Variants in MRTO4 observed in about 807,000 individuals in gnomAD.
MRTO4 encodes mRNA turnover protein 4 homolog.
In MRTO4, 7 loss-of-function variants were observed where a neutral mutation model predicts 28.6. That is an observed-to-expected ratio of 0.24 (90% CI 0.14 to 0.46). MRTO4 has a LOEUF of 0.46. MRTO4 is among the 20% of genes least tolerant of loss of function. MRTO4 has a pLI of 0.99. For synonymous variants in MRTO4, 113 were observed against 108.2 expected (o/e 1.04, Z -0.27); for missense variants, 302 against 298.3 (o/e 1.01, Z -0.09).
Position 19,258,519 on chromosome 1 carries a change from G to A in MRTO4, c.536G>A (p.Gly179Asp). 6.2e-7 allele frequency: 1 copy of A among 1,614,104 alleles called. No homozygotes were observed. Among genetic ancestry groups the A allele is most frequent in the Non-Finnish European group, 8.5e-7 (1 of 1,180,040 alleles). Residue 179 changes from glycine to aspartate, a missense_variant, in exon 7 of 8, where the codon GGC (glycine) becomes GAC (aspartate). By Grantham distance (94) the Gly-to-Asp change is moderately conservative (BLOSUM62 -1). Coordinates refer to ENST00000330263, the MANE Select transcript of MRTO4 (RefSeq NM_016183.4). ...TCTGACTACGAGGTGTGCAAGGAGG[G>A]CGATGTGCTGACCCCAGAGCAGGCT... ...LLSDYEVCKE[G>D]DVLTPEQARV...
rs539105308 is a variant in MRTO4, at chr1:19,256,181, A to C, written c.191+130A>C. 625 of 732,562 alleles carry C rather than the reference A, an allele frequency of 8.5e-4. 19 individuals are homozygous for C. The South Asian group carries it at 0.01, about 12-fold the overall frequency. 45.4% of individuals were successfully genotyped at this position (732,562 alleles called of 1,614,324 possible). ...GCCGCTGACACCTTAATAAGGACAA[A>C]GTGCTACCTGCCACTGAAGAGCACT... On this transcript the variant is annotated intron_variant, in intron 3 of 7. Coordinates refer to ENST00000330263, the MANE Select transcript of MRTO4 (RefSeq NM_016183.4).
rs1030400008 is a variant in MRTO4 at position 19,257,769 on chromosome 1, C to A, written c.342-64C>A. 20 of 1,584,568 alleles carry A rather than the reference C, an allele frequency of 1.3e-5. No homozygotes were observed. The South Asian group carries it at 2.3e-4, about 18-fold the overall frequency. ...CAGGGCCACGGGACACTTGGGGGAG[C>A]CTGACTCATGGGCTGGTGGCGTGGC... On this transcript the variant is annotated intron_variant, in intron 5 of 7. Transcript: ENST00000330263.
chr1:19,251,976 G>A, intron 1 of MRTO4, 113 bp downstream of exon 1: 1 of 1,415,714 alleles, frequency 7.1e-7, no homozygotes, highest in Non-Finnish European at 9.6e-7. Context: ...GGACATCCTC[G>A]AGGTGTTCCG....
chr1:19,252,762 C>T (rs936217052), intron 1 of MRTO4, among the ~76,000 whole-genome samples: 1 of 152,214 alleles, frequency 6.6e-6, no homozygotes, highest in African/African-American at 2.4e-5. Flanking sequence ...GCGATCCTCC[C>T]ACCTCAACCT....
At chr1:19,258,036 G>A (rs2093674289) in intron 6 of MRTO4, 52 bp downstream of exon 6, 1 of 1,583,318 alleles carries the variant, frequency 6.3e-7, no homozygotes, top group Non-Finnish European at 8.6e-7. Context: ...CAAGAGCACG[G>A]GCCTGCAAGC....
intron 1 of MRTO4, among the ~76,000 whole-genome samples, chr1:19,253,025 T>C (rs1426889437): frequency 5.3e-5 from 8 of 152,260 alleles, no homozygotes; most frequent in Admixed American, 5.2e-4. Flanking sequence ...TTCAAAAATA[T>C]TTAGGGGTCT....
At chr1:19,257,209 T>C (rs2093672690) in intron 4 of MRTO4, 64 bp downstream of exon 4, 2 of 1,525,360 alleles carry the variant, frequency 1.3e-6, no homozygotes, top group Non-Finnish European at 1.8e-6. Flanking sequence ...ACTACTCCCA[T>C]GTGACAGCCT....
At chr1:19,256,918 G>A in intron 3 of MRTO4, 146 bp from the exon 4 acceptor site, 1 of 727,664 alleles carries the variant, frequency 1.4e-6, no homozygotes, top group Non-Finnish European at 2.4e-6. Flanking sequence ...CGTGGGGACA[G>A]TGTGGCCAGG....
At chr1:19,258,444 C>T (rs1314157294) in intron 6 of MRTO4, 33 bp from the exon 7 acceptor site, 3 of 1,611,860 alleles carry the variant, frequency 1.9e-6, no homozygotes, top group East Asian at 2.2e-5. Context: ...GGCCTCTGGG[C>T]CAGAGGTAAC....
At chr1:19,252,550 T>C (rs1159818641) in intron 1 of MRTO4, among the ~76,000 whole-genome samples, 1 of 152,102 alleles carries the variant, frequency 6.6e-6, no homozygotes, top group Non-Finnish European at 1.5e-5. Flanking sequence ...ATACTAAAAA[T>C]TAGATGGGCA....
At chr1:19,253,000 CGGCTCCCTGGAA>C (rs1410240291) in intron 1 of MRTO4, among the ~76,000 whole-genome samples, 1 of 152,168 alleles carries the variant, frequency 6.6e-6, no homozygotes, top group Non-Finnish European at 1.5e-5. Context: ...TCTCTTAACC[CGGCTCCCTGGAA>C]TATTCAAAAA....
At position 19,258,947 on chromosome 1, in the gene MRTO4, TG is replaced by T; in HGVS notation, c.*120del. ...ATTTGTCTGTAGACAGGGAACATGATGGGCACTGACCTCCTGTAAAGAATAA... is the reference window on the plus strand; with the variant it reads ...ATTTGTCTGTAGACAGGGAACATGATGGCACTGACCTCCTGTAAAGAATAA... On this transcript the variant is annotated 3_prime_UTR_variant, in exon 8 of 8. Transcript: ENST00000330263. 8.1e-7 allele frequency: 1 copy of T among 1,240,004 alleles called. No homozygotes were observed. The highest frequency in any genetic ancestry group is 1.1e-6 in the Non-Finnish European group (1 of 914,724). 76.8% of individuals were successfully genotyped at this position (1,240,004 alleles called of 1,614,324 possible).
Position 19,257,456 on chromosome 1 carries a change from C to T in MRTO4, c.276C>T (p.Val92=), listed in dbSNP as rs1007035559. Residue 92 remains valine (V), a splice_region_variant and synonymous_variant, in exon 5 of 8, where the codon GTC becomes GTT. Transcript: ENST00000330263. ...CTGTCCTCACTCCTGATTTGTAGGT[C>T]AGCAAAAGGTTGAGGGGTGAGGTGG... The part of the protein sequence containing the change: ...SDEYKDNLHQ[V]SKRLRGEVGL... 7 of 1,614,066 alleles carry T rather than the reference C, an allele frequency of 4.3e-6. No individual in the cohort carries two copies. Among genetic ancestry groups the T allele is most frequent in the Non-Finnish European group, 5.9e-6 (7 of 1,180,034 alleles).
intron 6 of MRTO4, among the ~76,000 whole-genome samples, 195 bp from the exon 7 acceptor site, chr1:19,258,282 A>G (rs2093674622): frequency 6.6e-6 from 1 of 152,032 alleles, no homozygotes; most frequent in African/African-American, 2.4e-5. Context: ...AGGCTGAGGC[A>G]AGAGGATCAC....
intron 2 of MRTO4, among the ~76,000 whole-genome samples, chr1:19,255,277 TGAGTCTGG>T (rs1411172811): frequency 4.0e-5 from 6 of 151,854 alleles, no homozygotes; most frequent in African/African-American, 1.5e-4. Flanking sequence ...TCAGACAGCT[TGAGTCTGG>T]GAGCTCAAGA....
chr1:19,252,021 G>A, intron 1 of MRTO4, 158 bp downstream of exon 1: 1 of 1,111,570 alleles, frequency 9.0e-7, no homozygotes, highest in Non-Finnish European at 1.3e-6. Context: ...GGGCTTCGGG[G>A]CTGTAAAACC....
In MRTO4 at chr1:19,254,814, G is replaced by A; in HGVS notation, c.61G>A (p.Glu21Lys). Reference protein sequence around the residue: ...SLTKTAKKGLELKQNLIEELR... With the variant: ...SLTKTAKKGLKLKQNLIEELR... ...AACCAAAACTGCCAAGAAAGGCTTG[G>A]AATTGAAACAAAACCTGATAGAAGA... Residue 21 changes from glutamate to lysine, a missense_variant, in exon 2 of 8, where the codon GAA becomes AAA. Transcript: ENST00000330263. The A allele has an allele frequency of 1.2e-6, 2 of 1,609,640 alleles. No individual in the cohort carries two copies. Among genetic ancestry groups the A allele is most frequent in the Non-Finnish European group, 1.7e-6 (2 of 1,178,854 alleles).
rs1158234386 is a variant in MRTO4 at position 19,257,828 on chromosome 1, C to T, written c.342-5C>T. On this transcript the variant is annotated splice_region_variant and splice_polypyrimidine_tract_variant and intron_variant, in intron 5 of 7. Coordinates refer to ENST00000330263, the MANE Select transcript of MRTO4 (RefSeq NM_016183.4). ...TCTCCTCCTACCACTTCTCTTTTCC[C>T]TTAGGTGGTTCACGAAATACACAGA... 2.5e-6 allele frequency: 4 copies of T among 1,612,336 alleles called. No homozygotes were observed. In the Admixed American group the frequency reaches 5.0e-5, roughly 20 times the overall value.
At chr1:19,253,359 A>T (rs1325717368) in intron 1 of MRTO4, among the ~76,000 whole-genome samples, 1 of 152,208 alleles carries the variant, frequency 6.6e-6, no homozygotes, top group African/African-American at 2.4e-5. Context: ...TTGGGACAAG[A>T]GGCCAGTGAG....
Sources: gnomAD v4.1 joint callset for allele counts (sites outside exome capture counted in the v4.1 genomes callset) on GRCh38, gnomAD v4.1.1 for gene constraint, MANE v1.5 for transcripts, NCBI Gene and HGNC (gene_info 2026-07-23, HGNC 2026-07-21) for gene names.